LYRM7: variants seen among roughly 807,000 people sequenced by gnomAD.
The protein encoded by LYRM7 is complex III assembly factor LYRM7.
Under a neutral mutation model 15.8 loss-of-function variants are expected in LYRM7, and 9 were observed. That is an observed-to-expected ratio of 0.57 (90% confidence interval 0.34 to 0.99). The LOEUF is 0.99. LYRM7 is among the 50% of genes least tolerant of loss of function. The probability of loss-of-function intolerance (pLI) is 0.02; values close to 1 mark genes in which losing one functional copy is unlikely to be tolerated. For synonymous variants in LYRM7, 39 were observed against 39.4 expected (o/e 0.99, Z 0.04); for missense variants, 115 against 119.1 (o/e 0.97, Z 0.16).
chr5:131,189,444 C>CAAAAAAAA (rs71000976), intron 4 of LYRM7, among the ~76,000 whole-genome samples: 3 of 46,180 alleles, frequency 6.5e-5, no homozygotes, highest in African/African-American at 1.6e-4. Context: ...CTCCGTCTCC[C>CAAAAAAAA]AAAAAAAAAA....
At chr5:131,199,060 A>G (rs1756016752) in intron 4 of LYRM7, among the ~76,000 whole-genome samples, 1 of 152,206 alleles carries the variant, frequency 6.6e-6, no homozygotes, top group South Asian at 2.1e-4. Flanking sequence ...GCTCCTGCCC[A>G]CTAAATTCCA....
At chr5:131,197,272 T>C (rs1029818804) in intron 4 of LYRM7, among the ~76,000 whole-genome samples, 1 of 152,222 alleles carries the variant, frequency 6.6e-6, no homozygotes, top group African/African-American at 2.4e-5. Context: ...CATATAGGTT[T>C]GATAAGTGAA....
At chr5:131,188,614 G>A (rs186261897) in intron 4 of LYRM7, among the ~76,000 whole-genome samples, 9 of 152,086 alleles carry the variant, frequency 5.9e-5, no homozygotes, top group Admixed American at 5.9e-4. Flanking sequence ...TTTTATTGTT[G>A]ATCTAAAGGA....
chr5:131,182,215 T>G lies in LYRM7; in HGVS notation c.92-14T>G. On this transcript the variant is annotated splice_polypyrimidine_tract_variant and intron_variant, in intron 2 of 4. Coordinates refer to ENST00000379380, the MANE Select transcript of LYRM7 (RefSeq NM_181705.4). ...TACAAAAGCGAATAACTATATGTAT[T>G]TTTCTCTTTGTAGCAGCCAGAATAA... 1 of 1,411,292 alleles carries G rather than the reference T, an allele frequency of 7.1e-7. No homozygotes were observed. Among genetic ancestry groups the G allele is most frequent in the South Asian group, 1.3e-5 (1 of 78,122 alleles). The allele number at this position is 1,411,292 out of a possible 1,614,324, so 87.4% of individuals were successfully genotyped here.
rs1469067590 is a variant in LYRM7, at chr5:131,199,647, C to G, written c.*46C>G. ...TCTTTGTACTTTTTAACTTTAAAAT[C>G]TACAACTCTGGCAAAAGTCCTGGAA... On this transcript the variant is annotated 3_prime_UTR_variant, in exon 5 of 5. Transcript: ENST00000379380. 9 of 1,387,944 alleles carry G rather than the reference C, an allele frequency of 6.5e-6. No individual in the cohort carries two copies. The highest frequency in any genetic ancestry group is 7.9e-6 in the Non-Finnish European group (8 of 1,007,430). The allele number at this position is 1,387,944 out of a possible 1,614,324, so 86.0% of individuals were successfully genotyped here.
chr5:131,189,444 C>CAAAAAA lies in LYRM7; in HGVS notation c.244+2357_244+2362dup, dbSNP rs71000976. On this transcript the variant is annotated intron_variant, in intron 4 of 4. Transcript: ENST00000379380. Reference sequence around the variant, plus strand: ...GGCAACAGAGCAAGACTCCGTCTCCCAAAAAAAAAAAAAAAAAAAAAAAAA... The same window carrying CAAAAAA: ...GGCAACAGAGCAAGACTCCGTCTCCCAAAAAAAAAAAAAAAAAAAAAAAAAAAAAAA... Among the ~76,000 whole-genome samples, 29 of 46,176 alleles carry CAAAAAA rather than the reference C, an allele frequency of 6.3e-4. 3 individuals are homozygous for CAAAAAA. The highest frequency in any genetic ancestry group is 2.1e-3 in the African/African-American group (27 of 12,810). 30.3% of individuals were successfully genotyped at this position (46,176 alleles called of 152,430 possible).
At chr5:131,190,302 TCTC>T (rs1411447433) in intron 4 of LYRM7, among the ~76,000 whole-genome samples, 1 of 151,950 alleles carries the variant, frequency 6.6e-6, no homozygotes, top group East Asian at 1.9e-4. Flanking sequence ...TTCAAGCAAT[TCTC>T]CTGCCTCAGC....
At chr5:131,178,286 G>C (rs1755631701) in intron 1 of LYRM7, among the ~76,000 whole-genome samples, 2 of 152,162 alleles carry the variant, frequency 1.3e-5, no homozygotes, top group Non-Finnish European at 2.9e-5. Context: ...ACAAACCTTT[G>C]TAAGTAGTCT....
rs145602038 is a variant in LYRM7 at position 131,178,552 on chromosome 5, G to C, written c.19-1543G>C. Among the ~76,000 whole-genome samples the C allele has an allele frequency of 2.0e-3, 300 of 152,188 alleles. 1 individual carries two copies. The highest frequency in any genetic ancestry group is 6.1e-3 in the African/African-American group (254 of 41,526). ...GAAGTGACCTCAGCATATCACTAAA[G>C]CCTCTTCACAATCTGTCTTTTACCA... On this transcript the variant is annotated intron_variant, in intron 1 of 4. Coordinates refer to ENST00000379380, the MANE Select transcript of LYRM7 (RefSeq NM_181705.4).
In LYRM7 at chr5:131,200,722, G is replaced by C. The variant is rs2149667425; in HGVS notation, c.*1121G>C. ...AAATTTGCCCTTTTAAGAGAATGCT[G>C]AATGTCATCGCAGTATATAATCACT... On this transcript the variant is annotated 3_prime_UTR_variant, in exon 5 of 5. Transcript: ENST00000379380. The C allele has an allele frequency of 6.6e-6, 1 of 152,364 alleles. No individual in the cohort carries two copies. The highest frequency in any genetic ancestry group is 1.9e-4 in the East Asian group (1 of 5,322). 9.4% of individuals were successfully genotyped at this position (152,364 alleles called of 1,614,324 possible). A position where few individuals can be genotyped will look rare whatever the true frequency, so the allele number is the denominator to read the frequency against.
rs1044070550 is a variant in LYRM7, at chr5:131,200,553, A to G, written c.*952A>G. The G allele has an allele frequency of 6.6e-6, 1 of 152,344 alleles. No homozygotes were observed. The highest frequency in any genetic ancestry group is 1.5e-5 in the Non-Finnish European group (1 of 68,044). 9.4% of individuals were successfully genotyped at this position (152,344 alleles called of 1,614,324 possible). On this transcript the variant is annotated 3_prime_UTR_variant, in exon 5 of 5. Transcript: ENST00000379380. Reference sequence around the variant, plus strand: ...CTTTGCCATTCTATTTTCTCAGTGAATAGTATGTTTTCTCCCATTCACTGA... The same window carrying G: ...CTTTGCCATTCTATTTTCTCAGTGAGTAGTATGTTTTCTCCCATTCACTGA...
intron 4 of LYRM7, among the ~76,000 whole-genome samples, chr5:131,197,314 T>G (rs941332197): frequency 1.3e-5 from 2 of 152,310 alleles, no homozygotes; most frequent in Admixed American, 1.3e-4. Flanking sequence ...CAAGTTAAAA[T>G]GCACACTACA....
intron 4 of LYRM7, among the ~76,000 whole-genome samples, chr5:131,188,902 T>C (rs1755838994): frequency 6.6e-6 from 1 of 152,148 alleles, no homozygotes; most frequent in South Asian, 2.1e-4. Context: ...ATCCCTGCAC[T>C]TTGGGAGGCC....
intron 1 of LYRM7, among the ~76,000 whole-genome samples, chr5:131,179,278 A>G (rs897701981): frequency 2.0e-5 from 3 of 152,106 alleles, no homozygotes; most frequent in African/African-American, 7.2e-5. Context: ...ATGTAGAGAT[A>G]AATAATCAAA....
At chr5:131,175,325 G>A (rs528337962) in intron 1 of LYRM7, among the ~76,000 whole-genome samples, 9 of 150,152 alleles carry the variant, frequency 6.0e-5, no homozygotes, top group African/African-American at 1.5e-4. Context: ...TCAGCCTCCC[G>A]AGTAGCTGGG....
chr5:131,183,682 T>G (rs1044393298), intron 3 of LYRM7, among the ~76,000 whole-genome samples: 3 of 152,176 alleles, frequency 2.0e-5, no homozygotes, highest in Non-Finnish European at 4.4e-5. Context: ...GATACAGTCT[T>G]GGCACTAAAA....
In LYRM7 at chr5:131,200,328, T is replaced by G. The variant is rs1448626851; in HGVS notation, c.*727T>G. 1 of 152,340 alleles carries G rather than the reference T, an allele frequency of 6.6e-6. No homozygotes were observed. Among genetic ancestry groups the G allele is most frequent in the Non-Finnish European group, 1.5e-5 (1 of 68,016 alleles). The allele number at this position is 152,340 out of a possible 1,614,324, so 9.4% of individuals were successfully genotyped here. Reference sequence around the variant, plus strand: ...AGAATTAGCTGTATTTAGACAAAGTTAGACTTTAGTGTGAAATGTAATCGG... The same window carrying G: ...AGAATTAGCTGTATTTAGACAAAGTGAGACTTTAGTGTGAAATGTAATCGG... On this transcript the variant is annotated 3_prime_UTR_variant, in exon 5 of 5. Coordinates refer to ENST00000379380, the MANE Select transcript of LYRM7 (RefSeq NM_181705.4).
In LYRM7 at chr5:131,203,843, G is replaced by A. The variant is rs1225110552; in HGVS notation, c.*4242G>A. ...TATGTCATGATTGAAATAGTTAATT[G>A]ATCCTGTGAATCAGTTAGCAAAACA... On this transcript the variant is annotated 3_prime_UTR_variant, in exon 5 of 5. Coordinates refer to ENST00000379380, the MANE Select transcript of LYRM7 (RefSeq NM_181705.4). 6.6e-6 allele frequency: 1 copy of A among 152,296 alleles called. No individual in the cohort carries two copies. The highest frequency in any genetic ancestry group is 1.5e-5 in the Non-Finnish European group (1 of 68,030). The allele number at this position is 152,296 out of a possible 1,614,324, so 9.4% of individuals were successfully genotyped here.
rs553064269 is a variant in LYRM7 at position 131,201,736 on chromosome 5, A to G, written c.*2135A>G. 1 of 152,372 alleles carries G rather than the reference A, an allele frequency of 6.6e-6. No homozygotes were observed. The highest frequency in any genetic ancestry group is 1.9e-4 in the East Asian group (1 of 5,192). The allele number at this position is 152,372 out of a possible 1,614,324, so 9.4% of individuals were successfully genotyped here. ...CTCCGTCTCAAAAATAAATAAATAA[A>G]TAAAGTTCCTGTGAAGTATATAAAC... On this transcript the variant is annotated 3_prime_UTR_variant, in exon 5 of 5. Coordinates refer to ENST00000379380, the MANE Select transcript of LYRM7 (RefSeq NM_181705.4).
Sources: gnomAD v4.1 joint callset for allele counts (sites outside exome capture counted in the v4.1 genomes callset) on GRCh38, gnomAD v4.1.1 for gene constraint, MANE v1.5 for transcripts, NCBI Gene and HGNC (gene_info 2026-07-23, HGNC 2026-07-21) for gene names.